The following CNTNAP4 variants were observed in gnomAD, a reference collection of about 807,000 sequenced individuals.
CNTNAP4 encodes the protein contactin associated protein family member 4.
CNTNAP4 carries 98 observed loss-of-function variants against 148.4 expected under a neutral mutation model. That is an observed-to-expected ratio of 0.66 (90% confidence interval 0.56 to 0.78). The LOEUF (loss-of-function observed/expected upper bound fraction) is 0.78. Among genes scored for constraint, CNTNAP4 ranks in the 30% least tolerant of loss-of-function variants. The probability of loss-of-function intolerance (pLI) is 0.00; values close to 1 mark genes in which losing one functional copy is unlikely to be tolerated. For synonymous variants in CNTNAP4, 730 were observed against 565.1 expected (o/e 1.29, Z -4.14); for missense variants, 1,935 against 1,565.6 (o/e 1.24, Z -3.98).
Position 76,542,113 on chromosome 16 carries a change from A to G in CNTNAP4, c.3442+1323A>G, listed in dbSNP as rs554182137. ...CGTGTGCACTCTTAAGTCTGTGCACATGGGTATTAGCTTTAGACAAAACTT... is the reference window on the plus strand; with the variant it reads ...CGTGTGCACTCTTAAGTCTGTGCACGTGGGTATTAGCTTTAGACAAAACTT... On this transcript the variant is annotated intron_variant, in intron 21 of 23. Coordinates refer to ENST00000611870, the MANE Select transcript of CNTNAP4 (RefSeq NM_033401.5). 3.3e-5 allele frequency among the ~76,000 whole-genome samples: 5 copies of G among 152,342 alleles called. No homozygotes were observed. The East Asian group carries it at 9.7e-4, about 29-fold the overall frequency.
intron 3 of CNTNAP4, among the ~76,000 whole-genome samples, chr16:76,374,193 T>G (rs2015172121): frequency 6.6e-6 from 1 of 152,184 alleles, no homozygotes; most frequent in South Asian, 2.1e-4. Context: ...GAAAAATTGC[T>G]GGAGCAGTGA....
At chr16:76,499,489 A>G (rs1371567425) in intron 15 of CNTNAP4, among the ~76,000 whole-genome samples, 2 of 152,056 alleles carry the variant, frequency 1.3e-5, no homozygotes, top group East Asian at 1.9e-4. Flanking sequence ...CTAATTTATT[A>G]CAACGCTGTT....
rs535814080 is a variant in CNTNAP4 at position 76,460,064 on chromosome 16, TA to T, written c.1334-1885del. On this transcript the variant is annotated intron_variant, in intron 8 of 23. Coordinates refer to ENST00000611870, the MANE Select transcript of CNTNAP4 (RefSeq NM_033401.5). ...AGAAACAATCATATTTTTCCTTTAT[TA>T]AAAAAACTTTTTATTTGTTTCTTTT... Among the ~76,000 whole-genome samples, 100 of 152,316 alleles carry T rather than the reference TA, an allele frequency of 6.6e-4. 1 individual carries two copies. Among genetic ancestry groups the T allele is most frequent in the African/African-American group, 2.3e-3 (96 of 41,588 alleles).
chr16:76,380,719 C>T (rs558223119), intron 3 of CNTNAP4, among the ~76,000 whole-genome samples: 8 of 152,022 alleles, frequency 5.3e-5, no homozygotes, highest in Non-Finnish European at 1.2e-4. Flanking sequence ...TACCATTAGA[C>T]GGTGCTTGGA....
At position 76,535,582 on chromosome 16, in the gene CNTNAP4, C is replaced by A; in HGVS notation, c.2793C>A (p.Cys931Ter). 6.2e-7 allele frequency: 1 copy of A among 1,612,602 alleles called. No homozygotes were observed. Among genetic ancestry groups the A allele is most frequent in the Non-Finnish European group, 8.5e-7 (1 of 1,179,944 alleles). Reference protein sequence around the residue: ...TATRQRGFLGCIRSLQLNGMT... With the variant: ...TATRQRGFLG ...CCAGACAGAGAGGCTTTCTGGGCTGCATTCGGTCTCTGCAGTTGAATGGGA... is the reference window on the plus strand; with the variant it reads ...CCAGACAGAGAGGCTTTCTGGGCTGAATTCGGTCTCTGCAGTTGAATGGGA... The change falls in exon 18 of 24, where the codon TGC becomes TGA. Residue 931 changes from cysteine to a stop codon, truncating the protein, a stop_gained. Transcript: ENST00000611870. LOFTEE classifies it high-confidence loss of function.
At chr16:76,291,096 T>C (rs1183860959) in intron 1 of CNTNAP4, among the ~76,000 whole-genome samples, 1 of 152,172 alleles carries the variant, frequency 6.6e-6, no homozygotes, top group Non-Finnish European at 1.5e-5. Flanking sequence ...CTGAATAAAG[T>C]CACATTGGGG....
intron 3 of CNTNAP4, among the ~76,000 whole-genome samples, chr16:76,418,312 GT>G (rs1021441483): frequency 2.2e-4 from 32 of 143,768 alleles, no homozygotes; most frequent in Admixed American, 1.8e-3. Flanking sequence ...TCTATTACAG[GT>G]TTTTTTCTTT....
intron 3 of CNTNAP4, among the ~76,000 whole-genome samples, chr16:76,383,565 T>C (rs943368618): frequency 1.1e-4 from 17 of 152,068 alleles, no homozygotes; most frequent in African/African-American, 3.6e-4. Context: ...ATGCAACACA[T>C]GTAAAATTTT....
At chr16:76,279,972 G>A (rs1019220645) in intron 1 of CNTNAP4, among the ~76,000 whole-genome samples, 1 of 152,090 alleles carries the variant, frequency 6.6e-6, no homozygotes, top group African/African-American at 2.4e-5. Context: ...AGCAAGACTG[G>A]AATTTAGTGT....
intron 2 of CNTNAP4, among the ~76,000 whole-genome samples, chr16:76,348,030 T>C: frequency 6.6e-6 from 1 of 152,114 alleles, no homozygotes; most frequent in East Asian, 1.9e-4. Flanking sequence ...ACTAGGTGAC[T>C]GTTGCAAGAA....
intron 3 of CNTNAP4, among the ~76,000 whole-genome samples, chr16:76,425,059 A>T (rs1284843062): frequency 6.6e-6 from 1 of 152,118 alleles, no homozygotes; most frequent in Non-Finnish European, 1.5e-5. Context: ...CTCAGTAAAA[A>T]ATTTTGACCA....
rs142822556 is a variant in CNTNAP4 at position 76,530,421 on chromosome 16, A to T, written c.2756-5124A>T. Among the ~76,000 whole-genome samples the T allele has an allele frequency of 4.8e-3, 733 of 152,258 alleles. 6 individuals carry two copies. The highest frequency in any genetic ancestry group is 0.017 in the African/African-American group (712 of 41,540). On this transcript the variant is annotated intron_variant, in intron 17 of 23. Coordinates refer to ENST00000611870, the MANE Select transcript of CNTNAP4 (RefSeq NM_033401.5). ...CCGAGTGTACTTTTCTATATCCAGT[A>T]GGTAAATCTTAGCGATCATTGACTG...
intron 1 of CNTNAP4, among the ~76,000 whole-genome samples, chr16:76,292,431 G>T (rs1037919437): frequency 6.6e-6 from 1 of 152,126 alleles, no homozygotes; most frequent in African/African-American, 2.4e-5. Flanking sequence ...CTCATCAATT[G>T]GTCTTGTCAT....
chr16:76,476,063 G>A lies in CNTNAP4; in HGVS notation c.1762+18G>A. ...CCATAACTGTAAGCGGAACACATCT[G>A]CTTTTTCTTGCCCCTGTGATGGTTT... is the stretch of plus-strand genomic sequence containing the variant. On this transcript the variant is annotated intron_variant, in intron 11 of 23. Transcript: ENST00000611870. 1 of 1,528,640 alleles carries A rather than the reference G, an allele frequency of 6.5e-7. No homozygotes were observed. Among genetic ancestry groups the A allele is most frequent in the Non-Finnish European group, 9.1e-7 (1 of 1,102,446 alleles). The allele number at this position is 1,528,640 out of a possible 1,614,324, so 94.7% of individuals were successfully genotyped here. A position where few individuals can be genotyped will look rare whatever the true frequency, so the allele number is the denominator to read the frequency against.
chr16:76,320,606 T>C (rs1480221244), intron 2 of CNTNAP4, among the ~76,000 whole-genome samples: 1 of 152,108 alleles, frequency 6.6e-6, no homozygotes, highest in Non-Finnish European at 1.5e-5. Context: ...TTGTTGGAGT[T>C]TCAGTATAGC....
chr16:76,469,269 C>T (rs1007759671), intron 10 of CNTNAP4, among the ~76,000 whole-genome samples: 7 of 152,188 alleles, frequency 4.6e-5, no homozygotes, highest in Admixed American at 3.3e-4. Flanking sequence ...AGAATTTAGA[C>T]GTTAAACCTC....
rs1161939078 is a variant in CNTNAP4 at position 76,392,636 on chromosome 16, C to T, written c.391-34816C>T. On this transcript the variant is annotated intron_variant, in intron 3 of 23. Transcript: ENST00000611870. ...TTTCTAGTGAACACTAGCAGGTCTGCTCAAGTACATACTGTCATTCGGGAA... is the reference window on the plus strand; with the variant it reads ...TTTCTAGTGAACACTAGCAGGTCTGTTCAAGTACATACTGTCATTCGGGAA... 2.0e-5 allele frequency among the ~76,000 whole-genome samples: 3 copies of T among 152,258 alleles called. No homozygotes were observed. In the East Asian group the frequency reaches 5.8e-4, roughly 29 times the overall value.
rs1014910351 is a variant in CNTNAP4 at position 76,316,472 on chromosome 16, G to A, written c.145G>A (p.Glu49Lys). ...LPQASFSSSS[E>K]LSSSHGPGFA... ...TCAGGCATCCTTCAGCAGTTCTTCCGAGCTCTCCAGCAGTCATGGTCCTGG... is the reference window on the plus strand; with the variant it reads ...TCAGGCATCCTTCAGCAGTTCTTCCAAGCTCTCCAGCAGTCATGGTCCTGG... The change falls in exon 2 of 24, where the codon GAG becomes AAG. Residue 49 changes from glutamate (E) to lysine (K), a missense_variant. By Grantham distance (56) the Glu-to-Lys change is moderately conservative (BLOSUM62 1). Transcript: ENST00000611870. The A allele has an allele frequency of 1.1e-5, 18 of 1,613,800 alleles. No homozygotes were observed. Among genetic ancestry groups the A allele is most frequent in the East Asian group, 6.7e-5 (3 of 44,862 alleles).
intron 19 of CNTNAP4, among the ~76,000 whole-genome samples, chr16:76,538,791 C>T (rs1226837722): frequency 6.6e-6 from 1 of 151,818 alleles, no homozygotes; most frequent in Non-Finnish European, 1.5e-5. Context: ...TTTAGTTGTA[C>T]TTTTAGTTAA....
Sources: gnomAD v4.1 joint callset for allele counts (sites outside exome capture counted in the v4.1 genomes callset) on GRCh38, gnomAD v4.1.1 for gene constraint, MANE v1.5 for transcripts, NCBI Gene and HGNC (gene_info 2026-07-23, HGNC 2026-07-21) for gene names.